Variants in PES1 observed in about 807,000 individuals in gnomAD.
The protein encoded by PES1 is pescadillo ribosomal biogenesis factor 1.
A neutral mutation model predicts 77.1 loss-of-function variants in PES1; 31 were observed. The ratio of observed to expected loss-of-function variants is 0.40; its 90% CI spans 0.30 to 0.54. PES1 has a LOEUF of 0.54. Among genes scored for constraint, PES1 ranks in the 20% least tolerant of loss-of-function variants. The pLI is 0.45. For synonymous variants in PES1, 282 were observed against 303.0 expected (o/e 0.93, Z 0.72); for missense variants, 658 against 771.7 (o/e 0.85, Z 1.75).
At chr22:30,597,498 T>G (rs1323716533) in intron 2 of PES1, among the ~76,000 whole-genome samples, 1 of 151,066 alleles carries the variant, frequency 6.6e-6, no homozygotes, top group Non-Finnish European at 1.5e-5. Context: ...GCTGATCTTG[T>G]GGGGACTTGG....
At chr22:30,604,365 G>T (rs2087404271) in intron 2 of PES1, among the ~76,000 whole-genome samples, 1 of 152,200 alleles carries the variant, frequency 6.6e-6, no homozygotes, top group Admixed American at 6.5e-5. Flanking sequence ...AGGCGCGCTG[G>T]CTCATGCCTG....
In PES1 at chr22:30,578,932, TCTC is replaced by T. The variant is rs1216425124; in HGVS notation, c.1585_1587del (p.Glu529del). 10 of 1,613,534 alleles carry T rather than the reference TCTC, an allele frequency of 6.2e-6. No individual in the cohort carries two copies. The highest frequency in any genetic ancestry group is 5.5e-5 in the South Asian group (5 of 91,060). ...ATAATGGCCAGGCGCTTGGCCTCAC[TCTC>T]CTCCTCCTGGGCCAGCCGCTGCTTA... On this transcript the variant is annotated inframe_deletion, in exon 14 of 15. Transcript: ENST00000354694.
chr22:30,587,870 C>A (rs895101226), intron 3 of PES1, 151 bp downstream of exon 3: 18 of 751,002 alleles, frequency 2.4e-5, no homozygotes, highest in Non-Finnish European at 3.5e-5. Flanking sequence ...AACTAACCGA[C>A]CTCTTCCCTC....
intron 2 of PES1, among the ~76,000 whole-genome samples, chr22:30,598,668 A>T (rs1385783995): frequency 6.6e-6 from 1 of 151,476 alleles, no homozygotes; most frequent in Non-Finnish European, 1.5e-5. Flanking sequence ...ACCTTAAGTG[A>T]CCCCCGCACC....
At chr22:30,583,546 G>A (rs1461419183) in intron 6 of PES1, among the ~76,000 whole-genome samples, 1 of 152,232 alleles carries the variant, frequency 6.6e-6, no homozygotes, top group East Asian at 1.9e-4. Context: ...TGGCCCACCT[G>A]CGGGGCACTA....
intron 6 of PES1, among the ~76,000 whole-genome samples, chr22:30,582,490 A>C (rs1248464327): frequency 6.6e-6 from 1 of 152,196 alleles, no homozygotes; most frequent in Non-Finnish European, 1.5e-5. Flanking sequence ...TGGAGCAGTT[A>C]ATAGGGCAAA....
chr22:30,602,277 T>C (rs555888091), intron 2 of PES1, among the ~76,000 whole-genome samples: 8 of 152,308 alleles, frequency 5.3e-5, no homozygotes, highest in African/African-American at 1.7e-4. Context: ...TCAATCTCTC[T>C]ACTGCCACCT....
upstream of PES1, chr22:30,592,383 A>T (rs557573703): frequency 2.1e-4 from 209 of 988,010 alleles, no homozygotes; most frequent in African/African-American, 3.5e-3. Flanking sequence ...TCTTTGGTTC[A>T]TTCGCGGTTA....
At chr22:30,596,061 G>A (rs1302801348), upstream of PES1, among the ~76,000 whole-genome samples, 2 of 152,128 alleles carry the variant, frequency 1.3e-5, no homozygotes, top group African/African-American at 2.4e-5. Flanking sequence ...GCCCGTTTTT[G>A]TGCACATTTT....
chr22:30,601,960 A>G (rs1210272225), intron 2 of PES1: 1 of 151,786 alleles, frequency 6.6e-6, no homozygotes, highest in Non-Finnish European at 1.5e-5. Context: ...TTTAGTAGAG[A>G]CGGAGTTTCA....
intron 3 of PES1, 100 bp from the exon 4 acceptor site, chr22:30,587,495 C>T: frequency 1.2e-6 from 1 of 859,412 alleles, no homozygotes; most frequent in South Asian, 1.5e-5. Context: ...ACTCTCATGC[C>T]TCCTGAAGCT....
intron 6 of PES1, 101 bp downstream of exon 6, chr22:30,584,264 G>T: frequency 1.1e-6 from 1 of 917,636 alleles, no homozygotes; most frequent in Non-Finnish European, 1.7e-6. Context: ...TGGGAACCCA[G>T]CACTTGCTAA....
At chr22:30,578,786 A>C (rs370205908) in intron 14 of PES1, 51 bp downstream of exon 14, 98 of 1,590,814 alleles carry the variant, frequency 6.2e-5, no homozygotes, top group Non-Finnish European at 8.1e-5. Flanking sequence ...TCACCTGTGC[A>C]GTTGGGTCTG....
At chr22:30,605,778 C>G (rs1012797707) in intron 1 of PES1, among the ~76,000 whole-genome samples, 1 of 152,194 alleles carries the variant, frequency 6.6e-6, no homozygotes, top group African/African-American at 2.4e-5. Flanking sequence ...TCAAGTAGTT[C>G]CGTAAACAGA....
At chr22:30,577,210 T>C in intron 14 of PES1, 81 bp from the exon 15 acceptor site, 1 of 1,172,062 alleles carries the variant, frequency 8.5e-7, no homozygotes, top group Non-Finnish European at 1.3e-6. Context: ...GCTATATCCC[T>C]TAAAAGCAGA....
At chr22:30,597,231 C>T (rs12166405) in intron 2 of PES1, among the ~76,000 whole-genome samples, 5,726 of 152,052 alleles carry the variant, frequency 0.038, 166 homozygotes, top group African/African-American at 0.08. Context: ...ATCAACTGCC[C>T]AAGGGCTGAG....
At chr22:30,590,014 T>C (rs1309131409) in intron 1 of PES1, among the ~76,000 whole-genome samples, 1 of 152,240 alleles carries the variant, frequency 6.6e-6, no homozygotes. Context: ...GGTATTACCC[T>C]GGCTGAAAAA....
intron 2 of PES1, among the ~76,000 whole-genome samples, chr22:30,600,399 T>C (rs1366409725): frequency 6.6e-6 from 1 of 152,156 alleles, no homozygotes; most frequent in Non-Finnish European, 1.5e-5. Flanking sequence ...TAAAGAACTC[T>C]TGGCCAGGCG....
chr22:30,579,401 CTT>C, intron 12 of PES1, 98 bp from the exon 13 acceptor site: 1 of 1,570,474 alleles, frequency 6.4e-7, no homozygotes, highest in South Asian at 1.2e-5. Context: ...ACCCTGCCGT[CTT>C]TAGCCATGGG....
Sources: gnomAD v4.1 joint callset for allele counts (sites outside exome capture counted in the v4.1 genomes callset) on GRCh38, gnomAD v4.1.1 for gene constraint, MANE v1.5 for transcripts, NCBI Gene and HGNC (gene_info 2026-07-23, HGNC 2026-07-21) for gene names.